NCKAP5: variants seen among roughly 807,000 people sequenced by gnomAD.
NCKAP5 encodes the protein nck-associated protein 5.
A neutral mutation model predicts 167.0 loss-of-function variants in NCKAP5; 92 were observed. That is an observed-to-expected ratio of 0.55 (90% CI 0.47 to 0.66). NCKAP5 has a LOEUF of 0.66. NCKAP5 is among the 30% of genes least tolerant of loss of function. The pLI is 0.00. For synonymous variants in NCKAP5, 891 were observed against 877.4 expected, an observed-to-expected ratio of 1.02 and a Z score of -0.27; for missense variants, 2,378 against 2,315.0, an observed-to-expected ratio of 1.03 and a Z score of -0.56.
chr2:132,792,884 T>A (rs1446092381), intron 12 of NCKAP5, among the ~76,000 whole-genome samples: 3 of 152,278 alleles, frequency 2.0e-5, no homozygotes, highest in Non-Finnish European at 4.4e-5. Context: ...GTCCATGTGT[T>A]TACCTCCTGT....
chr2:133,273,939 A>C (rs1273679598), intron 4 of NCKAP5, among the ~76,000 whole-genome samples: 1 of 151,066 alleles, frequency 6.6e-6, no homozygotes, highest in Non-Finnish European at 1.5e-5. Context: ...CAGGAATAAA[A>C]GGGAATGCCC....
At chr2:133,641,978 G>A in the NCKAP5 span, among the ~76,000 whole-genome samples, 1 of 152,186 alleles carries the variant, frequency 6.6e-6, no homozygotes, top group Admixed American at 6.5e-5. Flanking sequence ...ATTGAGAAAA[G>A]AGGTTTATTT....
chr2:133,242,080 T>C (rs1416873142), intron 4 of NCKAP5, among the ~76,000 whole-genome samples: 2 of 146,960 alleles, frequency 1.4e-5, no homozygotes, highest in Non-Finnish European at 3.0e-5. Context: ...GATCACACTG[T>C]TGCACTCCAG....
At chr2:133,322,272 A>G (rs1682110537) in intron 3 of NCKAP5, among the ~76,000 whole-genome samples, 1 of 152,240 alleles carries the variant, frequency 6.6e-6, no homozygotes, top group African/African-American at 2.4e-5. Context: ...GCCTAGGAGA[A>G]TGAGACAAAG....
chr2:133,594,800 T>G, the NCKAP5 span, among the ~76,000 whole-genome samples: 1 of 152,148 alleles, frequency 6.6e-6, no homozygotes, highest in African/African-American at 2.4e-5. Flanking sequence ...ACCAAGAGGA[T>G]ATGGGTATGT....
chr2:132,673,648 GTACTT>G (rs1414553433), intron 19 of NCKAP5, among the ~76,000 whole-genome samples: 2 of 152,016 alleles, frequency 1.3e-5, no homozygotes, highest in African/African-American at 4.8e-5. Context: ...AGTATTAGCT[GTACTT>G]TTTCTAAATA....
intron 16 of NCKAP5, among the ~76,000 whole-genome samples, chr2:132,762,478 G>C (rs1029264274): frequency 4.6e-5 from 7 of 152,172 alleles, no homozygotes; most frequent in Admixed American, 4.6e-4. Flanking sequence ...TGTATAGCTA[G>C]TTCAGTTTCC....
At chr2:133,618,991 T>A in the NCKAP5 span, among the ~76,000 whole-genome samples, 1 of 145,926 alleles carries the variant, frequency 6.9e-6, no homozygotes, top group Admixed American at 6.9e-5. Context: ...AATGATGAGT[T>A]CATGTCCTTT....
intron 3 of NCKAP5, among the ~76,000 whole-genome samples, chr2:133,412,981 A>C (rs1489244786): frequency 6.6e-6 from 1 of 152,144 alleles, no homozygotes; most frequent in Non-Finnish European, 1.5e-5. Flanking sequence ...GCTGAGAAAA[A>C]ATTTGAAGAA....
chr2:132,949,979 A>T (rs1048706483), intron 8 of NCKAP5, among the ~76,000 whole-genome samples: 2 of 152,174 alleles, frequency 1.3e-5, no homozygotes, highest in Non-Finnish European at 2.9e-5. Context: ...CTGTAATCCC[A>T]TCTACTCGAG....
intron 3 of NCKAP5, among the ~76,000 whole-genome samples, chr2:133,406,244 C>T (rs1219520620): frequency 6.6e-6 from 1 of 152,220 alleles, no homozygotes; most frequent in Non-Finnish European, 1.5e-5. Context: ...AATAAAGACA[C>T]TTTCCTTTCA....
At chr2:132,717,159 A>G (rs1689447664) in intron 19 of NCKAP5, among the ~76,000 whole-genome samples, 1 of 152,172 alleles carries the variant, frequency 6.6e-6, no homozygotes, top group Admixed American at 6.5e-5. Flanking sequence ...GTCATCCAGG[A>G]AAGTGTAATG....
the NCKAP5 span, among the ~76,000 whole-genome samples, chr2:133,646,026 A>G: frequency 6.6e-6 from 1 of 151,826 alleles, no homozygotes; most frequent in Non-Finnish European, 1.5e-5. Context: ...ATATCTAAAT[A>G]ATAATGATTG....
chr2:133,072,274 TG>T (rs2149558096), intron 6 of NCKAP5, among the ~76,000 whole-genome samples: 1 of 152,136 alleles, frequency 6.6e-6, no homozygotes, highest in South Asian at 2.1e-4. Context: ...TTAGTAGAGA[TG>T]GGGTTTCACC....
At chr2:132,928,647 C>T (rs971139226) in intron 8 of NCKAP5, among the ~76,000 whole-genome samples, 21 of 152,072 alleles carry the variant, frequency 1.4e-4, no homozygotes, top group African/African-American at 4.8e-4. Flanking sequence ...AATGAGCTAC[C>T]AGAGGAATTT....
chr2:132,788,444 A>C (rs956935108), intron 13 of NCKAP5, among the ~76,000 whole-genome samples: 27 of 152,136 alleles, frequency 1.8e-4, no homozygotes, highest in African/African-American at 5.8e-4. Context: ...AACAATTAAG[A>C]ATGTGGGTTC....
intron 2 of NCKAP5, among the ~76,000 whole-genome samples, chr2:133,548,751 C>G (rs897731992): frequency 5.3e-5 from 8 of 152,078 alleles, no homozygotes; most frequent in Admixed American, 1.3e-4. Context: ...AAAGGAAAAA[C>G]CGGTACCAGC....
chr2:133,047,304 T>A (rs1277416213), intron 6 of NCKAP5, among the ~76,000 whole-genome samples: 10 of 152,226 alleles, frequency 6.6e-5, no homozygotes, highest in Admixed American at 5.9e-4. Flanking sequence ...CCCCCTGGGC[T>A]CGACCCCACA....
At chr2:133,403,887 A>ATGTGTGTGTGTGTGTG (rs138024785) in intron 3 of NCKAP5, among the ~76,000 whole-genome samples, 41 of 148,218 alleles carry the variant, frequency 2.8e-4, no homozygotes, top group African/African-American at 8.9e-4. Context: ...AGTCAGGTGG[A>ATGTGTGTGTGTGTGTG]TGTGTGTGTG....
Sources: gnomAD v4.1 joint callset for allele counts (sites outside exome capture counted in the v4.1 genomes callset) on GRCh38, gnomAD v4.1.1 for gene constraint, MANE v1.5 for transcripts, NCBI Gene and HGNC (gene_info 2026-07-23, HGNC 2026-07-21) for gene names.